AHCYL2: variants seen among roughly 807,000 people sequenced by gnomAD.
AHCYL2 encodes the protein adenosylhomocysteinase like 2, also known as S-adenosylhomocysteine hydrolase-like protein 2.
A neutral mutation model predicts 81.4 loss-of-function variants in AHCYL2; 28 were observed. That is an observed-to-expected ratio of 0.34 (90% CI 0.25 to 0.47). AHCYL2 has a LOEUF of 0.47. AHCYL2 is among the 20% of genes least tolerant of loss of function. AHCYL2 has a pLI of 1.00. For synonymous variants in AHCYL2, 272 were observed against 290.2 expected (o/e 0.94, Z 0.64); for missense variants, 551 against 785.1 (o/e 0.70, Z 3.56).
chr7:129,377,171 A>G (rs1794725335), intron 1 of AHCYL2, among the ~76,000 whole-genome samples: 1 of 152,216 alleles, frequency 6.6e-6, no homozygotes, highest in African/African-American at 2.4e-5. Flanking sequence ...TATAGAGAAT[A>G]CCGGTAAGTA....
chr7:129,299,949 C>T (rs1202389085), intron 1 of AHCYL2, among the ~76,000 whole-genome samples: 2 of 151,808 alleles, frequency 1.3e-5, no homozygotes, highest in Non-Finnish European at 2.9e-5. Context: ...TTGAGACCAG[C>T]CTGGAAATTT....
At chr7:129,292,543 G>T (rs1203765397) in intron 1 of AHCYL2, among the ~76,000 whole-genome samples, 1 of 152,180 alleles carries the variant, frequency 6.6e-6, no homozygotes, top group East Asian at 1.9e-4. Context: ...GAGACAGGCA[G>T]ATCACCTGAG....
chr7:129,425,909 G>T (rs1797343769), intron 15 of AHCYL2, among the ~76,000 whole-genome samples: 1 of 152,214 alleles, frequency 6.6e-6, no homozygotes, highest in African/African-American at 2.4e-5. Context: ...CATAGGAAAT[G>T]ACATAAGATT....
intron 1 of AHCYL2, among the ~76,000 whole-genome samples, chr7:129,312,309 C>T (rs1052250447): frequency 5.9e-5 from 9 of 152,224 alleles, no homozygotes; most frequent in African/African-American, 1.9e-4. Flanking sequence ...TAGTCTTCAA[C>T]TACTGGATTC....
At chr7:129,334,093 AG>A (rs1288557018) in intron 1 of AHCYL2, among the ~76,000 whole-genome samples, 1 of 152,154 alleles carries the variant, frequency 6.6e-6, no homozygotes, top group Non-Finnish European at 1.5e-5. Flanking sequence ...GAACCCTGTT[AG>A]TGGATAGTTG....
At position 129,279,333 on chromosome 7, in the gene AHCYL2, A is replaced by G. The variant is rs560264935; in HGVS notation, c.363+53894A>G. Among the ~76,000 whole-genome samples the G allele has an allele frequency of 3.0e-4, 45 of 151,988 alleles. No individual in the cohort carries two copies. In the Middle Eastern group the frequency reaches 0.01, roughly 34 times the overall value. On this transcript the variant is annotated intron_variant, in intron 1 of 16. Transcript: ENST00000325006. ...CCTGGCTAATTTTTGTATTTTTAAT[A>G]GAGATGAGGTTCGCCATGTTGGCCA...
chr7:129,232,585 A>G (rs1240471605), intron 1 of AHCYL2, among the ~76,000 whole-genome samples: 1 of 152,170 alleles, frequency 6.6e-6, no homozygotes, highest in Non-Finnish European at 1.5e-5. Context: ...TCTTCCCAAT[A>G]CTAATTCCTT....
Position 129,403,478 on chromosome 7 carries a change from G to A in AHCYL2, c.1018G>A (p.Val340Ile). 1 of 1,601,872 alleles carries A rather than the reference G, an allele frequency of 6.2e-7. No homozygotes were observed. ...CATAGTAGAGGAGAGTGTTACTGGA[G>A]TTCACAGGTAAGATTTGACATGGGC... ...KGIVEESVTG[V>I]HRLYQLSKAG... The change falls in exon 7 of 17, where the codon GTT (valine) becomes ATT (isoleucine). Residue 340 changes from valine to isoleucine, a missense_variant. Physicochemically the swap from Val to Ile is conservative, Grantham distance 29. Around this residue, in one of 2 missense-constraint regions of AHCYL2, gnomAD observed 316 missense variants for 543.1 expected, o/e 0.58. Transcript: ENST00000325006.
intron 1 of AHCYL2, among the ~76,000 whole-genome samples, chr7:129,242,736 T>C (rs940858811): frequency 6.6e-6 from 1 of 151,450 alleles, no homozygotes; most frequent in Non-Finnish European, 1.5e-5. Context: ...AAAAAAAAAT[T>C]GCCTGTGGTA....
chr7:129,264,512 A>T (rs1439766910), intron 1 of AHCYL2, among the ~76,000 whole-genome samples: 2 of 152,250 alleles, frequency 1.3e-5, no homozygotes, highest in Admixed American at 6.5e-5. Flanking sequence ...TGACCGAGAG[A>T]TTGAAGTAAA....
intron 1 of AHCYL2, among the ~76,000 whole-genome samples, chr7:129,326,364 T>C (rs1279199500): frequency 6.6e-6 from 1 of 151,910 alleles, no homozygotes; most frequent in African/African-American, 2.4e-5. Flanking sequence ...CCATCTCTGC[T>C]AAAAATAAAA....
In AHCYL2 at chr7:129,428,724, CCTTA is replaced by C; in HGVS notation, c.*1683_*1686del. On this transcript the variant is annotated 3_prime_UTR_variant, in exon 17 of 17. Coordinates refer to ENST00000325006, the MANE Select transcript of AHCYL2 (RefSeq NM_015328.4). ...ACTCTCAAAGCTAGTCTGAAAGTGA[CCTTA>C]CTTTCGGAAGTAGGGAAGTGGAACT... is the stretch of plus-strand genomic sequence containing the variant. 6.6e-6 allele frequency: 1 copy of C among 152,320 alleles called. No homozygotes were observed. Among genetic ancestry groups the C allele is most frequent in the African/African-American group, 2.4e-5 (1 of 41,560 alleles). 9.4% of individuals were successfully genotyped at this position (152,320 alleles called of 1,614,324 possible). A position where few individuals can be genotyped will look rare whatever the true frequency, so the allele number is the denominator to read the frequency against.
At chr7:129,262,104 C>T (rs564933192) in intron 1 of AHCYL2, among the ~76,000 whole-genome samples, 129 of 152,232 alleles carry the variant, frequency 8.5e-4, no homozygotes, top group African/African-American at 2.9e-3. Flanking sequence ...CCAGGCACTG[C>T]ATTAGATTCT....
At chr7:129,331,436 G>T (rs1285781639) in intron 1 of AHCYL2, among the ~76,000 whole-genome samples, 1 of 152,114 alleles carries the variant, frequency 6.6e-6, no homozygotes, top group Non-Finnish European at 1.5e-5. Flanking sequence ...AATAAAGTAG[G>T]ATACATTTAT....
chr7:129,372,129 G>T (rs1207029749), intron 1 of AHCYL2, among the ~76,000 whole-genome samples: 2 of 152,154 alleles, frequency 1.3e-5, no homozygotes, highest in Non-Finnish European at 2.9e-5. Flanking sequence ...TGGAATATAG[G>T]TTAAGAACAC....
rs145880615 is a variant in AHCYL2 at position 129,429,248 on chromosome 7, C to G, written c.*2203C>G. The G allele has an allele frequency of 6.6e-5, 10 of 152,224 alleles. No individual in the cohort carries two copies. The highest frequency in any genetic ancestry group is 2.2e-4 in the African/African-American group (9 of 41,452). The allele number at this position is 152,224 out of a possible 1,614,324, so 9.4% of individuals were successfully genotyped here. ...TTTGCCTCTGAGTTTCAGATGACCT[C>G]TCTGTAGGGACACTGTGTTATCAAC... is the stretch of plus-strand genomic sequence containing the variant. On this transcript the variant is annotated 3_prime_UTR_variant, in exon 17 of 17. Transcript: ENST00000325006.
chr7:129,367,419 T>C (rs1159703906), intron 1 of AHCYL2, among the ~76,000 whole-genome samples: 1 of 152,190 alleles, frequency 6.6e-6, no homozygotes, highest in Non-Finnish European at 1.5e-5. Flanking sequence ...CTAGCTTACC[T>C]TTTTTCTAGT....
chr7:129,321,772 G>GT (rs1217148394), intron 1 of AHCYL2, among the ~76,000 whole-genome samples: 1 of 114,418 alleles, frequency 8.7e-6, no homozygotes, highest in Non-Finnish European at 1.8e-5. Context: ...TTTGGTCTTG[G>GT]TTTTGTTTTT....
chr7:129,334,545 C>T (rs141945518), intron 1 of AHCYL2, among the ~76,000 whole-genome samples: 164 of 152,184 alleles, frequency 1.1e-3, no homozygotes, highest in South Asian at 6.0e-3. Context: ...TCTACCTTGC[C>T]GGAAGCTCTG....
Sources: allele counts gnomAD v4.1 joint callset (sites outside exome capture counted in the v4.1 genomes callset), GRCh38; gene constraint gnomAD v4.1.1; regional missense constraint gnomAD v4.1.1; transcripts MANE v1.5; gene names NCBI Gene and HGNC (gene_info 2026-07-23, HGNC 2026-07-21).